Variants in STARD13 observed in about 807,000 individuals in gnomAD.
The protein encoded by STARD13 is stAR-related lipid transfer protein 13.
STARD13 carries 62 observed loss-of-function variants against 106.4 expected under a neutral mutation model. The ratio of observed to expected loss-of-function variants is 0.58; its 90% CI spans 0.48 to 0.72. The LOEUF is 0.72. Ranked by LOEUF, STARD13 falls within the 30% of genes least tolerant of loss-of-function variation. The pLI, the probability that STARD13 is intolerant of heterozygous loss-of-function variation, is 0.00. For synonymous variants in STARD13, 565 were observed against 553.0 expected, an observed-to-expected ratio of 1.02 and a Z score of -0.31; for missense variants, 1,387 against 1,424.0, an observed-to-expected ratio of 0.97 and a Z score of 0.42.
At chr13:33,394,099 A>C in the STARD13 span, among the ~76,000 whole-genome samples, 1 of 152,224 alleles carries the variant, frequency 6.6e-6, no homozygotes. Flanking sequence ...TTTAAAATAC[A>C]ATATGAACAT....
At chr13:33,576,401 C>CT in the STARD13 span, among the ~76,000 whole-genome samples, 17,851 of 144,224 alleles carry the variant, frequency 0.12, 1,436 homozygotes, top group East Asian at 0.29. Flanking sequence ...TGTAATTTTT[C>CT]TTTTTTTTTT....
rs1272897285 is a variant in STARD13, at chr13:33,329,791, C to T, written c.124+20499G>A. ...CAATCTCGGCTCACTGCAACCTCCA[C>T]CTCCCGGGTCCCAGTGATTCTCCTG... On this transcript the variant is annotated intron_variant, in intron 1 of 5. Coordinates refer to the STARD13 transcript ENST00000567873. 1.2e-4 allele frequency among the ~76,000 whole-genome samples: 18 copies of T among 151,616 alleles called. No homozygotes were observed. In the South Asian group the frequency reaches 3.8e-3, roughly 32 times the overall value.
intron 1 of STARD13, among the ~76,000 whole-genome samples, chr13:33,310,693 T>C (rs1429939513): frequency 6.6e-6 from 1 of 152,162 alleles, no homozygotes; most frequent in African/African-American, 2.4e-5. Flanking sequence ...CTTCTACTCA[T>C]TGTGTATAAT....
chr13:33,578,002 A>T, the STARD13 span, among the ~76,000 whole-genome samples: 5 of 152,204 alleles, frequency 3.3e-5, no homozygotes, highest in African/African-American at 9.6e-5. Flanking sequence ...TAAATCACAG[A>T]TGACACAAAC....
chr13:33,216,860 G>C (rs1479779545), intron 1 of STARD13, among the ~76,000 whole-genome samples: 1 of 152,172 alleles, frequency 6.6e-6, no homozygotes, highest in African/African-American at 2.4e-5. Context: ...TAAGGAATCT[G>C]AGAGTGGCCA....
chr13:33,306,858 G>A (rs1892924557), intron 1 of STARD13, among the ~76,000 whole-genome samples: 1 of 152,112 alleles, frequency 6.6e-6, no homozygotes, highest in South Asian at 2.1e-4. Flanking sequence ...GCTGAGGCAG[G>A]AGAATCACTC....
chr13:33,429,264 G>A, the STARD13 span, among the ~76,000 whole-genome samples: 2 of 152,158 alleles, frequency 1.3e-5, no homozygotes, highest in South Asian at 4.1e-4. Flanking sequence ...CTAAAATTTG[G>A]AAGCAACCTA....
intron 1 of STARD13, among the ~76,000 whole-genome samples, chr13:33,199,082 T>C (rs1047735031): frequency 6.6e-6 from 1 of 152,266 alleles, no homozygotes; most frequent in Non-Finnish European, 1.5e-5. Flanking sequence ...TTTTTAAACA[T>C]ACATCCTTTG....
chr13:33,513,201 A>G, the STARD13 span, among the ~76,000 whole-genome samples: 1 of 152,108 alleles, frequency 6.6e-6, no homozygotes, highest in African/African-American at 2.4e-5. Context: ...CAGGCATATG[A>G]GGTTTATTCT....
intron 1 of STARD13, chr13:33,280,315 A>G (rs901109316): frequency 7.2e-5 from 11 of 152,202 alleles, no homozygotes; most frequent in Non-Finnish European, 1.0e-4. Context: ...AAAAGGCAGT[A>G]TATCCCACTC....
chr13:33,398,967 A>G, the STARD13 span, among the ~76,000 whole-genome samples: 1 of 152,226 alleles, frequency 6.6e-6, no homozygotes, highest in Non-Finnish European at 1.5e-5. Flanking sequence ...GCAGATTTAA[A>G]TAGCATTAAG....
chr13:33,373,771 TA>T, the STARD13 span, among the ~76,000 whole-genome samples: 22 of 149,592 alleles, frequency 1.5e-4, no homozygotes, highest in South Asian at 2.1e-4. Flanking sequence ...AGGACACTAT[TA>T]AAAAAAAAAC....
chr13:33,667,631 A>G, the STARD13 span, among the ~76,000 whole-genome samples: 1 of 152,266 alleles, frequency 6.6e-6, no homozygotes, highest in Non-Finnish European at 1.5e-5. Flanking sequence ...TCATTAAGAA[A>G]GAAAAACAAC....
chr13:33,364,060 C>A, the STARD13 span, among the ~76,000 whole-genome samples: 1 of 152,110 alleles, frequency 6.6e-6, no homozygotes, highest in Non-Finnish European at 1.5e-5. Context: ...ATGTGATGAA[C>A]AACGTTTTGG....
intron 1 of STARD13, among the ~76,000 whole-genome samples, chr13:33,190,171 G>C (rs530907724): frequency 6.6e-5 from 10 of 152,282 alleles, no homozygotes; most frequent in East Asian, 3.9e-4. Context: ...GGCTGGGTGT[G>C]ATGGCTCATG....
chr13:33,669,032 C>T, the STARD13 span, among the ~76,000 whole-genome samples: 12 of 152,176 alleles, frequency 7.9e-5, no homozygotes, highest in Non-Finnish European at 1.3e-4. Context: ...AAATGCATTT[C>T]CCAAAACTGG....
intron 3 of STARD13, among the ~76,000 whole-genome samples, chr13:33,159,439 C>T (rs547668075): frequency 6.6e-6 from 1 of 152,170 alleles, no homozygotes; most frequent in African/African-American, 2.4e-5. Flanking sequence ...GATTCAACAC[C>T]CACATGTTTG....
At chr13:33,590,554 A>G in the STARD13 span, among the ~76,000 whole-genome samples, 1 of 151,916 alleles carries the variant, frequency 6.6e-6, no homozygotes, top group Non-Finnish European at 1.5e-5. Flanking sequence ...TTGTAGGGAC[A>G]TGGATGAAGC....
chr13:33,527,449 G>A, the STARD13 span, among the ~76,000 whole-genome samples: 1 of 151,844 alleles, frequency 6.6e-6, no homozygotes, highest in East Asian at 1.9e-4. Flanking sequence ...ATACAATTGA[G>A]CAATAAAAGG....
Sources: gnomAD v4.1 joint callset for allele counts (sites outside exome capture counted in the v4.1 genomes callset) on GRCh38, gnomAD v4.1.1 for gene constraint, MANE v1.5 for transcripts, NCBI Gene and HGNC (gene_info 2026-07-23, HGNC 2026-07-21) for gene names.